Variants in CD2AP observed in about 807,000 individuals in gnomAD.
CD2AP encodes the protein CD2 associated protein, also known as CD2-associated protein.
Under a neutral mutation model 85.1 loss-of-function variants are expected in CD2AP, and 46 were observed. The observed-to-expected ratio is 0.54, with a 90% confidence interval of 0.43 to 0.69. The LOEUF (loss-of-function observed/expected upper bound fraction) is 0.69, where lower values mean the gene tolerates loss of function less well. Ranked by LOEUF, CD2AP falls within the 30% of genes least tolerant of loss-of-function variation. The pLI is 0.00. For synonymous variants in CD2AP, 255 were observed against 252.9 expected (o/e 1.01, Z -0.08); for missense variants, 769 against 729.5 (o/e 1.05, Z -0.62).
chr6:47,544,817 TAAA>T, intron 4 of CD2AP, 111 bp downstream of exon 4: 2 of 702,860 alleles, frequency 2.8e-6, no homozygotes, highest in Non-Finnish European at 5.0e-6. Context: ...TGTCACTTTT[TAAA>T]AAAAATGGTA....
intron 16 of CD2AP, among the ~76,000 whole-genome samples, chr6:47,610,280 C>T (rs1227639151): frequency 3.9e-5 from 6 of 152,140 alleles, no homozygotes; most frequent in Middle Eastern, 3.4e-3. Flanking sequence ...AAGCACAATT[C>T]TACAAAAGCC....
intron 2 of CD2AP, among the ~76,000 whole-genome samples, chr6:47,529,141 G>C (rs1008972932): frequency 1.4e-5 from 2 of 139,958 alleles, no homozygotes; most frequent in Middle Eastern, 4.0e-3. Context: ...TTATAACTTA[G>C]GGCACATTCT....
At chr6:47,552,656 A>C (rs1271653952) in intron 4 of CD2AP, among the ~76,000 whole-genome samples, 2 of 152,090 alleles carry the variant, frequency 1.3e-5, no homozygotes, top group Non-Finnish European at 2.9e-5. Context: ...CTGCCTCCTA[A>C]ACCTAACTCC....
At position 47,496,308 on chromosome 6, in the gene CD2AP, C is replaced by T. The variant is rs979691666; in HGVS notation, c.5-6972C>T. ...TAATCTGCTTCCTTCTGGCTCCCAT[C>T]GTTGTTGCTAAGTCACCCATTAGTC... On this transcript the variant is annotated intron_variant, in intron 1 of 17. Coordinates refer to ENST00000359314, the MANE Select transcript of CD2AP (RefSeq NM_012120.3). 4.6e-5 allele frequency among the ~76,000 whole-genome samples: 7 copies of T among 152,130 alleles called. No homozygotes were observed. In the East Asian group the frequency reaches 7.7e-4, roughly 17 times the overall value.
chr6:47,565,217 A>T (rs1436765609), intron 5 of CD2AP, among the ~76,000 whole-genome samples: 1 of 152,158 alleles, frequency 6.6e-6, no homozygotes, highest in African/African-American at 2.4e-5. Context: ...CTATTCTGTT[A>T]CTGAGTGGTT....
rs1048099151 is a variant in CD2AP at position 47,624,703 on chromosome 6, G to T, written c.*476G>T. On this transcript the variant is annotated 3_prime_UTR_variant, in exon 18 of 18. Transcript: ENST00000359314. Reference sequence around the variant, plus strand: ...TCTGTGTGTGTGTGTGTGTGTGTGTGTGTGTGTGTGTGTGTGTGTATATAT... The same window carrying T: ...TCTGTGTGTGTGTGTGTGTGTGTGTTTGTGTGTGTGTGTGTGTGTATATAT... The T allele has an allele frequency of 7.3e-6, 1 of 137,164 alleles. No homozygotes were observed. The highest frequency in any genetic ancestry group is 2.7e-5 in the African/African-American group (1 of 37,186). 8.5% of individuals were successfully genotyped at this position (137,164 alleles called of 1,614,324 possible). A position where few individuals can be genotyped will look rare whatever the true frequency, so the allele number is the denominator to read the frequency against.
chr6:47,518,528 GTTTATCCTC>G, intron 2 of CD2AP, among the ~76,000 whole-genome samples: 1 of 152,286 alleles, frequency 6.6e-6, no homozygotes, highest in Middle Eastern at 3.4e-3. Flanking sequence ...ATACCACAGT[GTTTATCCTC>G]TTTTTACCTG....
chr6:47,480,667 A>C (rs1245748004), intron 1 of CD2AP, among the ~76,000 whole-genome samples: 2 of 152,230 alleles, frequency 1.3e-5, no homozygotes, highest in Non-Finnish European at 2.9e-5. Context: ...TGCTTAGAAC[A>C]CTGCCAGTGC....
chr6:47,487,881 C>G (rs1765604757), intron 1 of CD2AP, among the ~76,000 whole-genome samples: 1 of 152,098 alleles, frequency 6.6e-6, no homozygotes, highest in African/African-American at 2.4e-5. Context: ...AAGTCTGATT[C>G]AGTAATACTT....
Position 47,478,083 on chromosome 6 carries a change from C to A in CD2AP, c.-162C>A. 4 of 886,314 alleles carry A rather than the reference C, an allele frequency of 4.5e-6. No individual in the cohort carries two copies. Among genetic ancestry groups the A allele is most frequent in the Non-Finnish European group, 7.1e-6 (4 of 561,948 alleles). The allele number at this position is 886,314 out of a possible 1,614,324, so 54.9% of individuals were successfully genotyped here. A position where few individuals can be genotyped will look rare whatever the true frequency, so the allele number is the denominator to read the frequency against. On this transcript the variant is annotated 5_prime_UTR_variant, in exon 1 of 18. Coordinates refer to ENST00000359314, the MANE Select transcript of CD2AP (RefSeq NM_012120.3). ...CGCGCTGAAGAGACTGGTAGGAGAG[C>A]GCCGCGGGCGGATGGAGGCGACTCT...
At chr6:47,526,166 G>T (rs1449124114) in intron 2 of CD2AP, among the ~76,000 whole-genome samples, 3 of 152,112 alleles carry the variant, frequency 2.0e-5, no homozygotes, top group Non-Finnish European at 4.4e-5. Context: ...GATAAAATTT[G>T]CTATTGAAAT....
intron 2 of CD2AP, among the ~76,000 whole-genome samples, chr6:47,509,474 G>A (rs9395266): frequency 0.87 from 132,933 of 151,986 alleles, 58,443 homozygotes; most frequent in Non-Finnish European, 0.92. Flanking sequence ...GTGATGTGCA[G>A]TGAAGCGAAG....
chr6:47,612,377 A>G (rs1340785656), intron 16 of CD2AP, 96 bp from the exon 17 acceptor site: 25 of 840,382 alleles, frequency 3.0e-5, no homozygotes, highest in East Asian at 1.9e-4. Context: ...AGTTTTTCCC[A>G]TGAACTGGTA....
chr6:47,588,370 A>G (rs1316771040), intron 11 of CD2AP, among the ~76,000 whole-genome samples: 1 of 152,304 alleles, frequency 6.6e-6, no homozygotes, highest in East Asian at 1.9e-4. Context: ...CTAATGCGTT[A>G]CACAATAGGT....
At chr6:47,480,008 A>G (rs1245949687) in intron 1 of CD2AP, among the ~76,000 whole-genome samples, 1 of 152,040 alleles carries the variant, frequency 6.6e-6, no homozygotes, top group Non-Finnish European at 1.5e-5. Flanking sequence ...ATGTGTACCA[A>G]TACTTGGACA....
intron 3 of CD2AP, among the ~76,000 whole-genome samples, chr6:47,543,164 A>AG (rs998626973): frequency 6.9e-6 from 1 of 144,700 alleles, no homozygotes; most frequent in African/African-American, 2.5e-5. Context: ...AAAAAAAAAA[A>AG]AAAAAAAAGA....
intron 1 of CD2AP, 22 bp downstream of exon 1, chr6:47,478,270 C>A: frequency 6.4e-7 from 1 of 1,567,564 alleles, no homozygotes; most frequent in South Asian, 1.2e-5. Flanking sequence ...GGGCGCTTCC[C>A]GCCGCCCGTC....
chr6:47,484,936 A>G (rs546639856), intron 1 of CD2AP, among the ~76,000 whole-genome samples: 2 of 152,284 alleles, frequency 1.3e-5, no homozygotes, highest in Middle Eastern at 3.4e-3. Context: ...TAAGATTATA[A>G]TGAAGCTAGA....
intron 2 of CD2AP, among the ~76,000 whole-genome samples, chr6:47,530,362 C>G (rs1766841639): frequency 6.6e-6 from 1 of 152,202 alleles, no homozygotes; most frequent in African/African-American, 2.4e-5. Flanking sequence ...ACTTTACTGT[C>G]CATCTCTCTT....
Sources: gnomAD v4.1 joint callset for allele counts (sites outside exome capture counted in the v4.1 genomes callset) on GRCh38, gnomAD v4.1.1 for gene constraint, MANE v1.5 for transcripts, NCBI Gene and HGNC (gene_info 2026-07-23, HGNC 2026-07-21) for gene names.